TADA1: variants seen among roughly 807,000 people sequenced by gnomAD.
TADA1 encodes transcriptional adapter 1.
Under a neutral mutation model 39.3 loss-of-function variants are expected in TADA1, and 23 were observed. The ratio of observed to expected loss-of-function variants is 0.58; its 90% CI spans 0.42 to 0.83. The LOEUF is 0.83. Ranked by LOEUF, TADA1 falls within the 40% of genes least tolerant of loss-of-function variation. TADA1 has a pLI of 0.00. For missense variants in TADA1, 352 were observed against 408.1 expected (o/e 0.86, Z 1.18); for synonymous variants, 137 against 151.8 (o/e 0.90, Z 0.72).
intron 1 of TADA1, among the ~76,000 whole-genome samples, chr1:166,872,487 T>C (rs1403913206): frequency 2.0e-5 from 3 of 151,896 alleles, no homozygotes; most frequent in Non-Finnish European, 4.4e-5. Context: ...GCCTGACCAA[T>C]ATGATGAAAC....
At chr1:166,870,187 C>T (rs938924812) in intron 1 of TADA1, among the ~76,000 whole-genome samples, 2 of 152,186 alleles carry the variant, frequency 1.3e-5, no homozygotes, top group Non-Finnish European at 2.9e-5. Context: ...AACCCTAGTA[C>T]TTCAGAATAT....
intron 3 of TADA1, among the ~76,000 whole-genome samples, chr1:166,865,973 G>A (rs1658523876): frequency 6.6e-6 from 1 of 152,052 alleles, no homozygotes; most frequent in Non-Finnish European, 1.5e-5. Flanking sequence ...AAAAAGAACT[G>A]TTTGGGAAGT....
chr1:166,862,436 A>T (rs1293098488), intron 4 of TADA1, 24 bp from the exon 5 acceptor site: 2 of 1,592,294 alleles, frequency 1.3e-6, no homozygotes. Flanking sequence ...AAACTTTTTA[A>T]AATTACTCAT....
intron 3 of TADA1, chr1:166,868,598 T>C (rs1052280980): frequency 6.6e-6 from 1 of 152,318 alleles, no homozygotes; most frequent in Non-Finnish European, 1.5e-5. Flanking sequence ...GGACTCAATA[T>C]CAAAAGGTAA....
intron 4 of TADA1, chr1:166,862,737 A>C (rs1658444284): frequency 3.0e-6 from 1 of 335,190 alleles, no homozygotes; most frequent in African/African-American, 2.1e-5. Context: ...ACTATATTCA[A>C]ACAAATCAGA....
At chr1:166,862,505 T>A in intron 4 of TADA1, 93 bp from the exon 5 acceptor site, 1 of 992,694 alleles carries the variant, frequency 1.0e-6, no homozygotes, top group Non-Finnish European at 1.5e-6. Context: ...TCCTCCAAAT[T>A]AATGCCACCA....
At chr1:166,859,504 T>C (rs1464439785) in intron 6 of TADA1, among the ~76,000 whole-genome samples, 1 of 152,110 alleles carries the variant, frequency 6.6e-6, no homozygotes, top group African/African-American at 2.4e-5. Context: ...AAATTCCCTT[T>C]GGGGGAAGTG....
intron 3 of TADA1, 22 bp downstream of exon 3, chr1:166,869,423 G>A (rs200279646): frequency 2.6e-5 from 41 of 1,597,836 alleles, no homozygotes; most frequent in Non-Finnish European, 7.7e-6. Flanking sequence ...TACACACACT[G>A]GAAGTATTTC....
intron 6 of TADA1, 26 bp from the exon 7 acceptor site, chr1:166,858,307 TC>T (rs1658330518): frequency 6.6e-7 from 1 of 1,507,920 alleles, no homozygotes; most frequent in African/African-American, 1.4e-5. Context: ...TCAGAAATAG[TC>T]CCAGCACAGA....
intron 1 of TADA1, 84 bp downstream of exon 1, chr1:166,876,076 G>A (rs1253264646): frequency 2.3e-5 from 30 of 1,332,906 alleles, no homozygotes; most frequent in Admixed American, 2.1e-4. Flanking sequence ...CGGGCGACGC[G>A]GGCGTCTCCG....
At position 166,858,223 on chromosome 1, in the gene TADA1, CAG is replaced by C. The variant is rs749822955; in HGVS notation, c.749_750del (p.Pro250ArgfsTer2). 8.7e-6 allele frequency: 14 copies of C among 1,611,528 alleles called. No individual in the cohort carries two copies. Among genetic ancestry groups the C allele is most frequent in the Admixed American group, 8.4e-5 (5 of 59,410 alleles). On this transcript the variant is annotated frameshift_variant, in exon 7 of 8. Transcript: ENST00000367874. LOFTEE classifies it high-confidence loss of function. ...AGTGCAGCCTGCTGCTCAGCATCAT[CAG>C]GGGGTGGGTGAGAAGCTGGATTCTG... ...AGQNPASHPP[P>X]DDAEQQAALL...
intron 1 of TADA1, among the ~76,000 whole-genome samples, chr1:166,875,621 T>C (rs1658746594): frequency 6.6e-6 from 1 of 152,270 alleles, no homozygotes; most frequent in South Asian, 2.1e-4. Flanking sequence ...ATCATCACTA[T>C]AATTGTAGTG....
chr1:166,864,076 T>C (rs1658475071), intron 3 of TADA1, among the ~76,000 whole-genome samples, 155 bp from the exon 4 acceptor site: 1 of 152,248 alleles, frequency 6.6e-6, no homozygotes, highest in Admixed American at 6.5e-5. Context: ...CTTCTCTAAA[T>C]AAAATTATCG....
chr1:166,872,286 C>T (rs1392532582), intron 1 of TADA1, among the ~76,000 whole-genome samples: 1 of 152,166 alleles, frequency 6.6e-6, no homozygotes, highest in African/African-American at 2.4e-5. Flanking sequence ...AGTGAGAGCT[C>T]GCTCACTCTG....
intron 3 of TADA1, among the ~76,000 whole-genome samples, chr1:166,866,888 G>A (rs1339835125): frequency 2.6e-5 from 4 of 151,900 alleles, no homozygotes; most frequent in Non-Finnish European, 4.4e-5. Context: ...AGGATTACAG[G>A]TGCCTACCAC....
intron 1 of TADA1, 112 bp downstream of exon 1, chr1:166,876,048 C>A: frequency 1.8e-6 from 2 of 1,083,150 alleles, no homozygotes; most frequent in Non-Finnish European, 2.5e-6. Context: ...GCCGCGGACT[C>A]CAGGCTGCAC....
intron 1 of TADA1, among the ~76,000 whole-genome samples, chr1:166,872,715 C>T (rs1439997584): frequency 1.3e-5 from 2 of 152,094 alleles, no homozygotes; most frequent in African/African-American, 4.8e-5. Context: ...AGGTTCCCTT[C>T]ACCTTCCACC....
chr1:166,876,208 T>A lies in TADA1; in HGVS notation c.26A>T (p.Glu9Val). 4 of 1,613,636 alleles carry A rather than the reference T, an allele frequency of 2.5e-6. No individual in the cohort carries two copies. Among genetic ancestry groups the A allele is most frequent in the East Asian group, 2.2e-5 (1 of 44,838 alleles). The part of the protein sequence containing the change: MATFVSEL[E>V]AAKKNLSEAL... ...CTCGCTTAAGTTCTTCTTGGCCGCCTCCAGCTCGCTCACAAAGGTCGCCAT... is the reference window on the plus strand; with the variant it reads ...CTCGCTTAAGTTCTTCTTGGCCGCCACCAGCTCGCTCACAAAGGTCGCCAT... Residue 9 changes from glutamate (E) to valine (V), a missense_variant, in exon 1 of 8, where the codon GAG becomes GTG. Coordinates refer to ENST00000367874, the MANE Select transcript of TADA1 (RefSeq NM_053053.4).
chr1:166,865,736 G>A (rs1391791633), intron 3 of TADA1, among the ~76,000 whole-genome samples: 3 of 151,722 alleles, frequency 2.0e-5, no homozygotes, highest in Non-Finnish European at 2.9e-5. Context: ...GGAGAATGGC[G>A]TGAACCTGGG....
Sources: gnomAD v4.1 joint callset for allele counts (sites outside exome capture counted in the v4.1 genomes callset) on GRCh38, gnomAD v4.1.1 for gene constraint, MANE v1.5 for transcripts, NCBI Gene and HGNC (gene_info 2026-07-23, HGNC 2026-07-21) for gene names.